STX8: variants seen among roughly 807,000 people sequenced by gnomAD.
STX8 encodes the protein syntaxin-8.
A neutral mutation model predicts 37.5 loss-of-function variants in STX8; 23 were observed. The ratio of observed to expected loss-of-function variants is 0.61; its 90% CI spans 0.44 to 0.87. The LOEUF (loss-of-function observed/expected upper bound fraction) is 0.87, where lower values mean the gene tolerates loss of function less well. Among genes scored for constraint, STX8 ranks in the 40% least tolerant of loss-of-function variants. The pLI, the probability that STX8 is intolerant of heterozygous loss-of-function variation, is 0.00. For missense variants in STX8, 313 were observed against 284.7 expected (o/e 1.10, Z -0.71); for synonymous variants, 115 against 99.1 (o/e 1.16, Z -0.95).
intron 7 of STX8, among the ~76,000 whole-genome samples, chr17:9,282,394 A>C (rs1907918536): frequency 6.6e-6 from 1 of 152,188 alleles, no homozygotes; most frequent in South Asian, 2.1e-4. Flanking sequence ...TCAGCCTCCC[A>C]AAGTGCTGGG....
chr17:9,527,267 G>T (rs754370187), intron 4 of STX8, among the ~76,000 whole-genome samples: 2 of 146,940 alleles, frequency 1.4e-5, no homozygotes, highest in Non-Finnish European at 1.5e-5. Flanking sequence ...AACAGAGAGA[G>T]ACCCTGTCTC....
rs1369599533 is a variant in STX8 at position 9,557,442 on chromosome 17, T to G, written c.204A>C (p.Thr68=). The part of the protein sequence containing the change: ...LKDLLLRAVS[T]HQITQLEGDR... ...AATGTTTACATGGATACATCTGATGTGTTGACACAGCTCTTAGCAATAAGT... is the reference window on the plus strand; with the variant it reads ...AATGTTTACATGGATACATCTGATGGGTTGACACAGCTCTTAGCAATAAGT... The change falls in exon 3 of 8, where the codon ACA becomes ACC. Residue 68 remains threonine, a synonymous_variant. Coordinates refer to ENST00000306357, the MANE Select transcript of STX8 (RefSeq NM_004853.3). 6.2e-7 allele frequency: 1 copy of G among 1,613,318 alleles called. No individual in the cohort carries two copies. Among genetic ancestry groups the G allele is most frequent in the Non-Finnish European group, 8.5e-7 (1 of 1,179,290 alleles).
intron 6 of STX8, among the ~76,000 whole-genome samples, chr17:9,440,326 T>G (rs1461497951): frequency 6.6e-6 from 1 of 152,146 alleles, no homozygotes; most frequent in African/African-American, 2.4e-5. Flanking sequence ...CCCTTCCACT[T>G]GGATTTCCCT....
intron 5 of STX8, among the ~76,000 whole-genome samples, chr17:9,492,432 T>G (rs964588391): frequency 6.6e-6 from 1 of 152,226 alleles, no homozygotes; most frequent in Admixed American, 6.5e-5. Context: ...TCCCAAGTAC[T>G]ATGTAATAGG....
intron 7 of STX8, among the ~76,000 whole-genome samples, chr17:9,358,365 G>GA (rs34988006): frequency 1.3e-5 from 2 of 151,848 alleles, no homozygotes; most frequent in African/African-American, 4.8e-5. Flanking sequence ...AAACAGAAGG[G>GA]AAAAAAAGGT....
chr17:9,268,400 A>G (rs1009275162), intron 7 of STX8, among the ~76,000 whole-genome samples: 1 of 152,152 alleles, frequency 6.6e-6, no homozygotes, highest in Non-Finnish European at 1.5e-5. Context: ...TAGGAAATAC[A>G]CAAGAGCAAA....
intron 3 of STX8, among the ~76,000 whole-genome samples, chr17:9,556,040 A>G (rs1429168109): frequency 6.6e-6 from 1 of 152,212 alleles, no homozygotes; most frequent in East Asian, 1.9e-4. Flanking sequence ...GTATCTCAGA[A>G]TATTCCAATT....
intron 6 of STX8, among the ~76,000 whole-genome samples, chr17:9,418,522 A>C (rs1913281089): frequency 6.6e-6 from 1 of 150,684 alleles, no homozygotes; most frequent in East Asian, 1.9e-4. Flanking sequence ...TTTCTAAAAA[A>C]AAAAAAAAAC....
Position 9,545,235 on chromosome 17 carries a change from A to G in STX8, c.260T>C (p.Val87Ala), listed in dbSNP as rs777594511. 1.2e-6 allele frequency: 2 copies of G among 1,614,176 alleles called. No homozygotes were observed. The highest frequency in any genetic ancestry group is 1.7e-6 in the Non-Finnish European group (2 of 1,180,020). ...TGCCAGAAGTAGTCTCTCTCGAGTTACAAGATCATCCAAGAGGTTCTGTCT... is the reference window on the plus strand; with the variant it reads ...TGCCAGAAGTAGTCTCTCTCGAGTTGCAAGATCATCCAAGAGGTTCTGTCT... ...DRRQNLLDDL[V>A]TRERLLLASF... Residue 87 changes from valine to alanine, a missense_variant, in exon 4 of 8, where the codon GTA (valine) becomes GCA (alanine). Physicochemically the swap from Val to Ala is moderately conservative, Grantham distance 64. Coordinates refer to ENST00000306357, the MANE Select transcript of STX8 (RefSeq NM_004853.3).
At chr17:9,575,647 GC>G (rs1907880257) in intron 1 of STX8, 144 bp downstream of exon 1, 1 of 991,760 alleles carries the variant, frequency 1.0e-6, no homozygotes, top group Non-Finnish European at 1.5e-6. Flanking sequence ...ATGTGGCTGA[GC>G]CCCCTCAGTA....
chr17:9,447,460 T>C (rs997947668), intron 6 of STX8, among the ~76,000 whole-genome samples: 2 of 152,242 alleles, frequency 1.3e-5, no homozygotes, highest in African/African-American at 4.8e-5. Flanking sequence ...TCTTGCTCTG[T>C]TGCCCAGGCT....
At chr17:9,485,720 G>A (rs1906566067) in intron 6 of STX8, among the ~76,000 whole-genome samples, 1 of 151,902 alleles carries the variant, frequency 6.6e-6, no homozygotes, top group South Asian at 2.1e-4. Flanking sequence ...CGAGTAGCTG[G>A]GACTACAGGC....
chr17:9,567,528 A>C (rs1236549733), intron 2 of STX8, among the ~76,000 whole-genome samples: 1 of 152,172 alleles, frequency 6.6e-6, no homozygotes, highest in Non-Finnish European at 1.5e-5. Context: ...ACAAATTTGG[A>C]ATGTGGAAAA....
intron 6 of STX8, chr17:9,469,025 C>G (rs1278292111): frequency 6.6e-6 from 1 of 152,200 alleles, no homozygotes; most frequent in Admixed American, 6.5e-5. Flanking sequence ...ATTCAATTTT[C>G]AAGGGAAGTG....
intron 7 of STX8, among the ~76,000 whole-genome samples, chr17:9,329,324 T>C (rs1374138360): frequency 6.6e-5 from 10 of 152,198 alleles, no homozygotes; most frequent in Non-Finnish European, 8.8e-5. Flanking sequence ...TTCTACATTT[T>C]GCTAAGGGCT....
intron 5 of STX8, among the ~76,000 whole-genome samples, chr17:9,498,760 A>G (rs8065135): frequency 0.26 from 39,232 of 152,190 alleles, 5,280 homozygotes; most frequent in South Asian, 0.39. Flanking sequence ...TAGAAAATTC[A>G]TAAGACTAGA....
chr17:9,381,345 A>T (rs1441018475), intron 6 of STX8, among the ~76,000 whole-genome samples: 4 of 151,758 alleles, frequency 2.6e-5, no homozygotes, highest in South Asian at 4.2e-4. Flanking sequence ...TTCTTAAAGC[A>T]TTAAGTAAAG....
chr17:9,454,818 G>C (rs1177785482), intron 6 of STX8, among the ~76,000 whole-genome samples: 1 of 152,190 alleles, frequency 6.6e-6, no homozygotes, highest in East Asian at 1.9e-4. Flanking sequence ...ATTTGGGAAA[G>C]AAACTGTTCT....
chr17:9,373,815 TG>T (rs1911492371), intron 7 of STX8, among the ~76,000 whole-genome samples: 1 of 151,824 alleles, frequency 6.6e-6, no homozygotes, highest in African/African-American at 2.4e-5. Context: ...GGCGCATGCC[TG>T]TAATCCCAGC....
Sources: allele counts gnomAD v4.1 joint callset (sites outside exome capture counted in the v4.1 genomes callset), GRCh38; gene constraint gnomAD v4.1.1; transcripts MANE v1.5; gene names NCBI Gene and HGNC (gene_info 2026-07-23, HGNC 2026-07-21).